ANK2: variants seen among roughly 807,000 people sequenced by gnomAD.
The protein encoded by ANK2 is ankyrin 2.
In ANK2, 83 loss-of-function variants were observed where a neutral mutation model predicts 360.5. The ratio of observed to expected loss-of-function variants is 0.23; its 90% CI spans 0.19 to 0.28. The LOEUF (loss-of-function observed/expected upper bound fraction) is 0.28. ANK2 is among the 10% of genes least tolerant of loss of function. The probability of loss-of-function intolerance (pLI) is 1.00; values close to 1 mark genes in which losing one functional copy is unlikely to be tolerated. For missense variants in ANK2, 4,201 were observed against 4,795.7 expected (o/e 0.88, Z 3.66); for synonymous variants, 1,740 against 1,759.5 (o/e 0.99, Z 0.28).
chr4:113,210,186 T>C (rs1177539475), intron 4 of ANK2, among the ~76,000 whole-genome samples: 1 of 152,202 alleles, frequency 6.6e-6, no homozygotes, highest in African/African-American at 2.4e-5. Flanking sequence ...AGATTTTCCT[T>C]TATTTCTATG....
intron 35 of ANK2, chr4:113,347,975 G>A: frequency 2.5e-6 from 1 of 407,552 alleles, no homozygotes; most frequent in South Asian, 3.4e-5. Flanking sequence ...AAAGACAAAT[G>A]CCATCCAGTT....
intron 2 of ANK2, among the ~76,000 whole-genome samples, chr4:112,908,952 T>C (rs2086180487): frequency 6.6e-6 from 1 of 152,210 alleles, no homozygotes; most frequent in South Asian, 2.1e-4. Flanking sequence ...GAAATGAGAA[T>C]AATTAAAAGG....
At position 113,358,357 on chromosome 4, in the gene ANK2, T is replaced by C. The variant is rs1399461128; in HGVS notation, c.9739T>C (p.Ser3247Pro). 6.2e-7 allele frequency: 1 copy of C among 1,614,062 alleles called. No individual in the cohort carries two copies. Residue 3247 changes from serine to proline, a missense_variant, in exon 38 of 46, where the codon TCT becomes CCT. Around this residue, in one of 4 missense-constraint regions of ANK2, gnomAD observed 2,642 missense variants for 2,714.5 expected, o/e 0.97. Coordinates refer to ENST00000357077, the MANE Select transcript of ANK2 (RefSeq NM_001148.6). ...SGVKQISCPD[S>P]SEPAVQVQLD... is the part of the protein sequence containing the mutation. ...TGTAAAGCAGATATCCTGCCCCGAC[T>C]CTTCTGAACCAGCTGTACAAGTCCA...
At chr4:112,860,486 G>GA (rs1465663007) in intron 1 of ANK2, among the ~76,000 whole-genome samples, 1 of 152,000 alleles carries the variant, frequency 6.6e-6, no homozygotes, top group Non-Finnish European at 1.5e-5. Flanking sequence ...TTGAACACTA[G>GA]AAAAAAACTG....
At chr4:113,241,847 A>C (rs2040118029) in intron 8 of ANK2, among the ~76,000 whole-genome samples, 1 of 152,186 alleles carries the variant, frequency 6.6e-6, no homozygotes, top group South Asian at 2.1e-4. Context: ...TTGTCTCTTG[A>C]CTATAACTTG....
upstream of ANK2, among the ~76,000 whole-genome samples, chr4:113,049,219 A>G (rs1325092210): frequency 1.3e-5 from 2 of 152,180 alleles, no homozygotes; most frequent in African/African-American, 4.8e-5. Context: ...TAGCTTTCTT[A>G]TATTCACTTT....
At chr4:112,971,282 GCAGA>G (rs1429910953) in intron 2 of ANK2, among the ~76,000 whole-genome samples, 2 of 152,176 alleles carry the variant, frequency 1.3e-5, no homozygotes, top group African/African-American at 4.8e-5. Flanking sequence ...TTAGGTTCCA[GCAGA>G]CAGACTTTAT....
the ANK2 span, among the ~76,000 whole-genome samples, chr4:112,728,240 C>T: frequency 7.5e-6 from 1 of 132,542 alleles, no homozygotes; most frequent in African/African-American, 2.9e-5. Context: ...TTGCAGTGAG[C>T]CGAGATCGCG....
intron 1 of ANK2, among the ~76,000 whole-genome samples, chr4:113,107,199 A>T (rs2093732604): frequency 6.6e-6 from 1 of 152,084 alleles, no homozygotes. Context: ...CTCATTCCAC[A>T]GTGTTCCAAG....
At chr4:112,909,859 A>G (rs902070611) in intron 2 of ANK2, among the ~76,000 whole-genome samples, 15 of 152,130 alleles carry the variant, frequency 9.9e-5, no homozygotes, top group African/African-American at 3.6e-4. Flanking sequence ...CAAAGCAAAG[A>G]TTTTTTTCTT....
In ANK2 at chr4:113,089,478, A is replaced by T. The variant is rs546829529; in HGVS notation, c.84+39666A>T. On this transcript the variant is annotated intron_variant, in intron 1 of 45. Coordinates refer to ENST00000357077, the MANE Select transcript of ANK2 (RefSeq NM_001148.6). The stretch of plus-strand genomic sequence containing the variant: ...GCCCTTTATAATCTAAGATGTTACT[A>T]TGATTTATGGAAGATGCTAGTATTT... Among the ~76,000 whole-genome samples the T allele has an allele frequency of 2.6e-5, 4 of 152,316 alleles. No individual in the cohort carries two copies. In the East Asian group the frequency reaches 5.8e-4, roughly 22 times the overall value.
the ANK2 span, among the ~76,000 whole-genome samples, chr4:112,708,432 T>G: frequency 6.6e-6 from 1 of 152,208 alleles, no homozygotes; most frequent in African/African-American, 2.4e-5. Flanking sequence ...GTCATACTAT[T>G]AATTATATAA....
intron 1 of ANK2, among the ~76,000 whole-genome samples, chr4:113,125,138 TTGTC>T (rs1368805226): frequency 6.6e-6 from 1 of 152,206 alleles, no homozygotes; most frequent in Non-Finnish European, 1.5e-5. Flanking sequence ...TGTTTATAGT[TTGTC>T]TGTAAAAAAA....
rs190160539 is a variant in ANK2, at chr4:113,163,008, A to G, written c.85-11408A>G. 3.1e-3 allele frequency among the ~76,000 whole-genome samples: 475 copies of G among 152,266 alleles called. 10 individuals are homozygous for G. The highest frequency in any genetic ancestry group is 0.025 in the Admixed American group (376 of 15,298). On this transcript the variant is annotated intron_variant, in intron 1 of 45. Coordinates refer to ENST00000357077, the MANE Select transcript of ANK2 (RefSeq NM_001148.6). ...GCTATAATTTTTTTCCAGTAGGTTT[A>G]CATATTTAGATAGATACAGCTAGAT...
rs1554589909 is a variant in ANK2 at position 113,369,630 on chromosome 4, T to G, written c.11435T>G (p.Leu3812Arg). The change falls in exon 43 of 46, where the codon CTC (leucine) becomes CGC (arginine). Residue 3812 changes from leucine (L) to arginine (R), a missense_variant. By Grantham distance (102) the Leu-to-Arg change is moderately radical. Coordinates refer to ENST00000357077, the MANE Select transcript of ANK2 (RefSeq NM_001148.6). ...STPAEEEKLY[L>R]QTPTSSERGG... ...CCTGCAGAGGAGGAGAAGCTGTACCTCCAGACCCCAACATCCAGCGAGCGG... is the reference window on the plus strand; with the variant it reads ...CCTGCAGAGGAGGAGAAGCTGTACCGCCAGACCCCAACATCCAGCGAGCGG... 2 of 1,613,888 alleles carry G rather than the reference T, an allele frequency of 1.2e-6. No individual in the cohort carries two copies. Among genetic ancestry groups the G allele is most frequent in the Admixed American group, 1.7e-5 (1 of 59,972 alleles).
At chr4:112,759,125 G>GA in the ANK2 span, among the ~76,000 whole-genome samples, 316 of 152,050 alleles carry the variant, frequency 2.1e-3, 1 homozygote, top group Non-Finnish European at 3.8e-3. Context: ...TACTATCAGA[G>GA]CAGTCTTTAC....
chr4:113,027,740 G>C (rs2059581795), intron 2 of ANK2, among the ~76,000 whole-genome samples: 1 of 151,940 alleles, frequency 6.6e-6, no homozygotes, highest in African/African-American at 2.4e-5. Context: ...CTGCTGATTG[G>C]GAAGTATATA....
At position 113,199,197 on chromosome 4, in the gene ANK2, T is replaced by C; in HGVS notation, c.384+88T>C. On this transcript the variant is annotated intron_variant, in intron 4 of 45. Coordinates refer to ENST00000357077, the MANE Select transcript of ANK2 (RefSeq NM_001148.6). ...ATTTAATGTGTTTAGCTAGCTGTTC[T>C]ACTGATAAATTTATTATAAGTGCTT... 3.9e-6 allele frequency: 4 copies of C among 1,021,094 alleles called. No individual in the cohort carries two copies. The South Asian group carries it at 5.5e-5, about 14-fold the overall frequency. 63.3% of individuals were successfully genotyped at this position (1,021,094 alleles called of 1,614,324 possible). A position where few individuals can be genotyped will look rare whatever the true frequency, so the allele number is the denominator to read the frequency against.
chr4:112,995,704 T>C (rs756600703), intron 2 of ANK2, among the ~76,000 whole-genome samples: 6 of 152,216 alleles, frequency 3.9e-5, no homozygotes, highest in African/African-American at 4.8e-5. Flanking sequence ...GGTTTTCTTC[T>C]GGGATTTTTA....
Sources: allele counts gnomAD v4.1 joint callset (sites outside exome capture counted in the v4.1 genomes callset), GRCh38; gene constraint gnomAD v4.1.1; regional missense constraint gnomAD v4.1.1; transcripts MANE v1.5; gene names NCBI Gene and HGNC (gene_info 2026-07-23, HGNC 2026-07-21).